Variants in RGS17 observed in about 807,000 individuals in gnomAD.
RGS17 encodes regulator of G-protein signaling 17.
Under a neutral mutation model 25.5 loss-of-function variants are expected in RGS17, and 12 were observed. The ratio of observed to expected loss-of-function variants is 0.47; its 90% CI spans 0.30 to 0.76. The LOEUF is 0.76. Among genes scored for constraint, RGS17 ranks in the 30% least tolerant of loss-of-function variants. RGS17 has a pLI of 0.07. For synonymous variants in RGS17, 71 were observed against 76.9 expected, an observed-to-expected ratio of 0.92 and a Z score of 0.40; for missense variants, 196 against 242.2, an observed-to-expected ratio of 0.81 and a Z score of 1.27.
chr6:153,031,690 G>C (rs751593965), intron 2 of RGS17, among the ~76,000 whole-genome samples: 2 of 152,158 alleles, frequency 1.3e-5, no homozygotes, highest in African/African-American at 2.4e-5. Context: ...TTGTGGTATT[G>C]CAAGTGTTTA....
At chr6:153,072,558 A>C (rs1776820218) in intron 1 of RGS17, among the ~76,000 whole-genome samples, 1 of 152,224 alleles carries the variant, frequency 6.6e-6, no homozygotes, top group Non-Finnish European at 1.5e-5. Context: ...GCACATTTAA[A>C]TTTAAGACTG....
At chr6:153,067,882 G>A (rs1277908898) in intron 1 of RGS17, among the ~76,000 whole-genome samples, 6 of 152,102 alleles carry the variant, frequency 3.9e-5, no homozygotes, top group Admixed American at 1.3e-4. Context: ...AAAACTGGAG[G>A]AATCACATTA....
Position 153,112,304 on chromosome 6 carries a change from C to G in RGS17, c.-26+18820G>C, listed in dbSNP as rs1195709025. ...CACAAGAATCAATAGCCATATTGAT[C>G]AAGCGAAGAAAGGATATCAGAGATT... On this transcript the variant is annotated intron_variant, in intron 1 of 4. Transcript: ENST00000206262. 2.0e-5 allele frequency among the ~76,000 whole-genome samples: 3 copies of G among 152,060 alleles called. No homozygotes were observed. The East Asian group carries it at 5.8e-4, about 29-fold the overall frequency.
chr6:153,040,184 G>C (rs559837571), intron 2 of RGS17, among the ~76,000 whole-genome samples: 3 of 152,166 alleles, frequency 2.0e-5, no homozygotes, highest in East Asian at 1.9e-4. Context: ...AGACTGACGT[G>C]GGGGGAGAAA....
At chr6:153,036,904 C>T (rs922602974) in intron 2 of RGS17, among the ~76,000 whole-genome samples, 2 of 152,122 alleles carry the variant, frequency 1.3e-5, no homozygotes, top group African/African-American at 4.8e-5. Flanking sequence ...TTCTTCCATA[C>T]ATTTTCCATT....
chr6:153,014,049 T>C (rs1369237772), intron 4 of RGS17, among the ~76,000 whole-genome samples: 2 of 152,202 alleles, frequency 1.3e-5, no homozygotes, highest in Non-Finnish European at 2.9e-5. Context: ...TGGAAGAAGA[T>C]GCTATCTAGG....
intron 1 of RGS17, among the ~76,000 whole-genome samples, chr6:153,070,846 T>C (rs80257510): frequency 0.013 from 1,910 of 150,570 alleles, 35 homozygotes; most frequent in African/African-American, 0.044. Context: ...CATATACATA[T>C]ACACAATACA....
At chr6:153,110,243 G>C (rs1777447054) in intron 1 of RGS17, among the ~76,000 whole-genome samples, 1 of 152,078 alleles carries the variant, frequency 6.6e-6, no homozygotes, top group African/African-American at 2.4e-5. Context: ...TAAACAACGA[G>C]TCCACATTCA....
intron 4 of RGS17, among the ~76,000 whole-genome samples, chr6:153,018,451 G>A (rs1401516247): frequency 1.3e-5 from 2 of 152,126 alleles, no homozygotes; most frequent in African/African-American, 4.8e-5. Context: ...GTGGCTGAAA[G>A]ATTGTTGTGA....
chr6:153,098,553 C>A (rs1221566015), intron 1 of RGS17, among the ~76,000 whole-genome samples: 1 of 152,040 alleles, frequency 6.6e-6, no homozygotes, highest in Non-Finnish European at 1.5e-5. Flanking sequence ...TGGTCTCAGC[C>A]CCCCACATGG....
rs1779108782 is a variant in RGS17, at chr6:153,009,402, T to A, written c.*2172A>T. 6.6e-6 allele frequency: 1 copy of A among 151,964 alleles called. No homozygotes were observed. The highest frequency in any genetic ancestry group is 2.4e-5 in the African/African-American group (1 of 41,428). 9.4% of individuals were successfully genotyped at this position (151,964 alleles called of 1,614,324 possible). ...TATATATCATAGTAGCATAATAAACTCAATTCTAAGCAAGAAAAAAATTAA... is the reference window on the plus strand; with the variant it reads ...TATATATCATAGTAGCATAATAAACACAATTCTAAGCAAGAAAAAAATTAA... On this transcript the variant is annotated 3_prime_UTR_variant, in exon 5 of 5. Transcript: ENST00000206262.
At chr6:153,070,696 TGTGTGTATATACATATATATATACAC>T (rs1454802413) in intron 1 of RGS17, among the ~76,000 whole-genome samples, 1 of 117,726 alleles carries the variant, frequency 8.5e-6, no homozygotes, top group Non-Finnish European at 2.0e-5. Flanking sequence ...TGTGTGTGTG[TGTGTGTATATACATATATATATACAC>T]ATATACATAT....
chr6:153,104,186 T>G (rs765932212), intron 1 of RGS17, among the ~76,000 whole-genome samples: 2 of 152,244 alleles, frequency 1.3e-5, no homozygotes, highest in Non-Finnish European at 2.9e-5. Flanking sequence ...ATGTTCAAAC[T>G]CATCTTAATT....
intron 1 of RGS17, among the ~76,000 whole-genome samples, chr6:153,129,097 T>A (rs1385140277): frequency 1.3e-5 from 2 of 152,230 alleles, no homozygotes; most frequent in Admixed American, 1.3e-4. Flanking sequence ...GAGATTTATC[T>A]TATTTAATAA....
At chr6:153,070,448 A>G (rs962361347) in intron 1 of RGS17, among the ~76,000 whole-genome samples, 1 of 152,160 alleles carries the variant, frequency 6.6e-6, no homozygotes, top group Admixed American at 6.6e-5. Context: ...ATGTCTATGT[A>G]TACAAGTTGG....
intron 1 of RGS17, among the ~76,000 whole-genome samples, chr6:153,079,017 AT>A (rs1276279904): frequency 6.6e-6 from 1 of 151,862 alleles, no homozygotes; most frequent in Non-Finnish European, 1.5e-5. Context: ...TTCTATCTGT[AT>A]TTCTTTTTCT....
At chr6:153,025,645 C>CAT (rs924632704) in intron 3 of RGS17, among the ~76,000 whole-genome samples, 10 of 141,226 alleles carry the variant, frequency 7.1e-5, no homozygotes, top group South Asian at 2.3e-4. Flanking sequence ...TATATATAAA[C>CAT]ATATATATAT....
At chr6:153,062,283 C>A (rs1776650383) in intron 1 of RGS17, among the ~76,000 whole-genome samples, 1 of 152,178 alleles carries the variant, frequency 6.6e-6, no homozygotes, top group East Asian at 1.9e-4. Flanking sequence ...CTCCTCCCTA[C>A]CCCCAGCAGT....
intron 1 of RGS17, among the ~76,000 whole-genome samples, chr6:153,050,960 T>TAA (rs1248153131): frequency 6.6e-6 from 1 of 152,184 alleles, no homozygotes; most frequent in East Asian, 1.9e-4. Context: ...ATTAGTGCTC[T>TAA]TATAGGAAGA....
Sources: gnomAD v4.1 joint callset for allele counts (sites outside exome capture counted in the v4.1 genomes callset) on GRCh38, gnomAD v4.1.1 for gene constraint, MANE v1.5 for transcripts, NCBI Gene and HGNC (gene_info 2026-07-23, HGNC 2026-07-21) for gene names.